The following TAOK1 variants were observed in gnomAD, a reference collection of about 807,000 sequenced individuals.
TAOK1 encodes the protein serine/threonine-protein kinase TAO1.
A neutral mutation model predicts 138.3 loss-of-function variants in TAOK1; 21 were observed. The observed-to-expected ratio is 0.15, with a 90% CI of 0.11 to 0.22. The LOEUF is 0.22. Among genes scored for constraint, TAOK1 ranks in the 10% least tolerant of loss-of-function variants. TAOK1 has a pLI of 1.00. For synonymous variants in TAOK1, 361 were observed against 398.4 expected, an observed-to-expected ratio of 0.91 and a Z score of 1.12; for missense variants, 651 against 1,227.7, an observed-to-expected ratio of 0.53 and a Z score of 7.02.
intron 10 of TAOK1, among the ~76,000 whole-genome samples, chr17:29,494,502 G>C (rs894689252): frequency 6.6e-6 from 1 of 151,888 alleles, no homozygotes; most frequent in Non-Finnish European, 1.5e-5. Flanking sequence ...AAATAAATTT[G>C]AGCTAACAAA....
chr17:29,480,170 T>C (rs1326551626), intron 6 of TAOK1, 198 bp from the exon 7 acceptor site: 5 of 359,184 alleles, frequency 1.4e-5, no homozygotes, highest in Admixed American at 1.4e-4. Flanking sequence ...ATTATTACTA[T>C]ATGTTTATTT....
At chr17:29,405,444 C>T (rs567411175) in intron 1 of TAOK1, among the ~76,000 whole-genome samples, 2 of 152,242 alleles carry the variant, frequency 1.3e-5, no homozygotes, top group African/African-American at 4.8e-5. Context: ...ACTATGAAAA[C>T]ACCAAGTCAA....
At chr17:29,517,332 C>CTAGTCTCAAACTCCTGA in intron 15 of TAOK1, 121 bp from the exon 16 acceptor site, 1 of 862,652 alleles carries the variant, frequency 1.2e-6, no homozygotes, top group Admixed American at 2.5e-5. Context: ...GTTGGCCAGG[C>CTAGTCTCAAACTCCTGA]TAGTCTCAAA....
At chr17:29,484,805 A>G (rs1394016834) in intron 8 of TAOK1, among the ~76,000 whole-genome samples, 3 of 152,090 alleles carry the variant, frequency 2.0e-5, no homozygotes, top group Admixed American at 6.6e-5. Flanking sequence ...GGTTTTCACC[A>G]TGTTGGCCAG....
chr17:29,459,284 T>A (rs952144717), intron 2 of TAOK1, among the ~76,000 whole-genome samples: 4 of 152,098 alleles, frequency 2.6e-5, no homozygotes, highest in Middle Eastern at 3.2e-3. Flanking sequence ...GTCTCTAAAG[T>A]TATGCCTGCA....
chr17:29,502,096 C>G (rs938020297), intron 12 of TAOK1, among the ~76,000 whole-genome samples: 10 of 152,166 alleles, frequency 6.6e-5, no homozygotes, highest in African/African-American at 2.4e-4. Context: ...TGTCCTGAGT[C>G]TGTGTACTAT....
chr17:29,420,785 A>G (rs899914501), intron 1 of TAOK1, among the ~76,000 whole-genome samples: 17 of 151,992 alleles, frequency 1.1e-4, no homozygotes, highest in Admixed American at 3.3e-4. Flanking sequence ...GGGTTTCTCC[A>G]TGTTGGCCAG....
Position 29,534,311 on chromosome 17 carries a change from TAGAA to T in TAOK1, c.2544+12_2544+15del. ...CTCTTAGAACAAAAGGTATAAGTAATAGAAGGAAAAATCATTGTTTTCGAATTAG... is the reference window on the plus strand; with the variant it reads ...CTCTTAGAACAAAAGGTATAAGTAATGGAAAAATCATTGTTTTCGAATTAG... On this transcript the variant is annotated intron_variant, in intron 19 of 19. Coordinates refer to ENST00000261716, the MANE Select transcript of TAOK1 (RefSeq NM_020791.4). 6.6e-7 allele frequency: 1 copy of T among 1,513,718 alleles called. No homozygotes were observed. Among genetic ancestry groups the T allele is most frequent in the African/African-American group, 1.4e-5 (1 of 70,958 alleles). The allele number at this position is 1,513,718 out of a possible 1,614,324, so 93.8% of individuals were successfully genotyped here.
At chr17:29,392,617 C>A (rs923137716) in intron 1 of TAOK1, among the ~76,000 whole-genome samples, 1 of 152,088 alleles carries the variant, frequency 6.6e-6, no homozygotes, top group African/African-American at 2.4e-5. Context: ...ACTGATGATA[C>A]ATTTTTTTCA....
chr17:29,409,324 T>C (rs1905081328), intron 1 of TAOK1, among the ~76,000 whole-genome samples: 1 of 73,004 alleles, frequency 1.4e-5, no homozygotes, highest in South Asian at 5.3e-4. Context: ...TATATATATA[T>C]ATATATATAT....
chr17:29,456,955 G>A (rs893448544), intron 2 of TAOK1, among the ~76,000 whole-genome samples: 1 of 149,952 alleles, frequency 6.7e-6, no homozygotes, highest in Non-Finnish European at 1.5e-5. Flanking sequence ...GGATGGTCTC[G>A]ATCTCCTGGT....
chr17:29,430,732 T>C (rs1036721606), intron 1 of TAOK1, among the ~76,000 whole-genome samples: 1 of 152,152 alleles, frequency 6.6e-6, no homozygotes. Flanking sequence ...CTGAGAGACA[T>C]GATCCCCATA....
At chr17:29,433,018 C>T (rs977011075) in intron 1 of TAOK1, among the ~76,000 whole-genome samples, 2 of 152,124 alleles carry the variant, frequency 1.3e-5, no homozygotes, top group African/African-American at 2.4e-5. Context: ...CCTCGGCCTT[C>T]GTAAGTGTTG....
intron 3 of TAOK1, among the ~76,000 whole-genome samples, chr17:29,471,725 A>G (rs2030823437): frequency 1.3e-5 from 2 of 152,100 alleles, no homozygotes; most frequent in African/African-American, 2.4e-5. Flanking sequence ...GGCTGTGGCA[A>G]TTTCTTAAAA....
intron 2 of TAOK1, among the ~76,000 whole-genome samples, chr17:29,455,571 C>T (rs1348495131): frequency 2.0e-5 from 3 of 150,460 alleles, no homozygotes; most frequent in Non-Finnish European, 4.4e-5. Flanking sequence ...AAAGCCTTTT[C>T]AGCCTTTTAC....
intron 19 of TAOK1, among the ~76,000 whole-genome samples, chr17:29,537,928 G>A (rs2032250240): frequency 6.6e-6 from 1 of 151,770 alleles, no homozygotes; most frequent in African/African-American, 2.4e-5. Context: ...CCTGGCCAAC[G>A]TGGTGAAACC....
intron 1 of TAOK1, among the ~76,000 whole-genome samples, chr17:29,439,879 AAAAAAAAAAT>A (rs1488233147): frequency 3.4e-5 from 5 of 148,242 alleles, no homozygotes; most frequent in Middle Eastern, 3.2e-3. Context: ...AAAAAAAAAA[AAAAAAAAAAT>A]TTTTTTTTAA....
intron 5 of TAOK1, among the ~76,000 whole-genome samples, chr17:29,478,048 G>C (rs1261332424): frequency 2.0e-5 from 3 of 152,064 alleles, no homozygotes; most frequent in African/African-American, 7.2e-5. Context: ...AATATCGTTA[G>C]CTAAGAGAAG....
chr17:29,464,822 CTTTTT>C (rs547368498), intron 2 of TAOK1, among the ~76,000 whole-genome samples: 4 of 132,074 alleles, frequency 3.0e-5, no homozygotes, highest in Admixed American at 7.7e-5. Flanking sequence ...TAAGCTCTGT[CTTTTT>C]TTTTTTTTTT....
Sources: gnomAD v4.1 joint callset for allele counts (sites outside exome capture counted in the v4.1 genomes callset) on GRCh38, gnomAD v4.1.1 for gene constraint, MANE v1.5 for transcripts, NCBI Gene and HGNC (gene_info 2026-07-23, HGNC 2026-07-21) for gene names.